The following TAFA1 variants were observed in gnomAD, a reference collection of about 807,000 sequenced individuals.
The protein encoded by TAFA1 is chemokine-like protein TAFA-1.
Under a neutral mutation model 18.5 loss-of-function variants are expected in TAFA1, and 4 were observed. That is an observed-to-expected ratio of 0.22 (90% CI 0.11 to 0.49). TAFA1 has a LOEUF of 0.49. Ranked by LOEUF, TAFA1 falls within the 20% of genes least tolerant of loss-of-function variation. The pLI is 0.98. For synonymous variants in TAFA1, 56 were observed against 55.2 expected, an observed-to-expected ratio of 1.01 and a Z score of -0.06; for missense variants, 147 against 169.0, an observed-to-expected ratio of 0.87 and a Z score of 0.72.
intron 3 of TAFA1, among the ~76,000 whole-genome samples, chr3:68,488,626 A>T (rs980312333): frequency 6.6e-6 from 1 of 152,086 alleles, no homozygotes; most frequent in Non-Finnish European, 1.5e-5. Context: ...CTAGGCTTCA[A>T]TTTTTCCATC....
chr3:68,125,052 T>G (rs1317110742), intron 2 of TAFA1, among the ~76,000 whole-genome samples: 2 of 152,194 alleles, frequency 1.3e-5, no homozygotes, highest in Admixed American at 1.3e-4. Flanking sequence ...AAAGGATGCA[T>G]ATACTTGGAA....
intron 2 of TAFA1, among the ~76,000 whole-genome samples, chr3:68,314,465 T>G (rs1485804559): frequency 6.6e-6 from 1 of 152,212 alleles, no homozygotes; most frequent in Non-Finnish European, 1.5e-5. Context: ...CTATTAATGT[T>G]CCACAGATTG....
At chr3:68,259,059 T>A (rs1484906207) in intron 2 of TAFA1, among the ~76,000 whole-genome samples, 1 of 152,172 alleles carries the variant, frequency 6.6e-6, no homozygotes, top group African/African-American at 2.4e-5. Flanking sequence ...GGGATGTCGA[T>A]AAACCACAGA....
At chr3:68,008,395 C>G (rs1350063288) in intron 2 of TAFA1, among the ~76,000 whole-genome samples, 1 of 152,202 alleles carries the variant, frequency 6.6e-6, no homozygotes, top group African/African-American at 2.4e-5. Context: ...TTGTGATGAT[C>G]AAGAATAAGA....
intron 3 of TAFA1, among the ~76,000 whole-genome samples, chr3:68,505,581 C>T (rs1575932372): frequency 6.6e-6 from 1 of 152,168 alleles, no homozygotes; most frequent in South Asian, 2.1e-4. Flanking sequence ...GTGTTCTCAT[C>T]TGGAGGCTTA....
intron 2 of TAFA1, among the ~76,000 whole-genome samples, chr3:68,375,565 A>T (rs1306038493): frequency 6.6e-6 from 1 of 152,186 alleles, no homozygotes; most frequent in African/African-American, 2.4e-5. Flanking sequence ...GGAAAAGTCA[A>T]TATCAGATTA....
chr3:68,101,069 G>T (rs1309246504), intron 2 of TAFA1, among the ~76,000 whole-genome samples: 2 of 152,064 alleles, frequency 1.3e-5, no homozygotes, highest in Admixed American at 6.6e-5. Context: ...AGGTAAACTT[G>T]TGTCATGAGG....
intron 2 of TAFA1, among the ~76,000 whole-genome samples, chr3:68,264,186 C>T (rs1037564859): frequency 2.0e-5 from 3 of 152,174 alleles, no homozygotes; most frequent in African/African-American, 7.2e-5. Flanking sequence ...TTGAGAATCA[C>T]TTGAACCCAG....
intron 2 of TAFA1, among the ~76,000 whole-genome samples, chr3:68,165,078 G>A (rs185477740): frequency 5.3e-5 from 8 of 152,186 alleles, no homozygotes; most frequent in African/African-American, 1.7e-4. Context: ...CCAAGGGACA[G>A]CAACCCAAAA....
At chr3:68,410,301 TG>T (rs1158156315) in intron 2 of TAFA1, among the ~76,000 whole-genome samples, 1 of 152,016 alleles carries the variant, frequency 6.6e-6, no homozygotes, top group African/African-American at 2.4e-5. Context: ...AGGGTCAACA[TG>T]GGCAAAAGGA....
chr3:68,439,760 A>G (rs2071338845), intron 3 of TAFA1, among the ~76,000 whole-genome samples: 1 of 151,890 alleles, frequency 6.6e-6, no homozygotes, highest in African/African-American at 2.4e-5. Flanking sequence ...CAACACCCTG[A>G]TAGACACACC....
chr3:68,427,614 C>T (rs1362729961), intron 3 of TAFA1, among the ~76,000 whole-genome samples: 1 of 151,718 alleles, frequency 6.6e-6, no homozygotes, highest in Admixed American at 6.6e-5. Flanking sequence ...ATATATGTTC[C>T]TCCATCCTCT....
intron 2 of TAFA1, among the ~76,000 whole-genome samples, chr3:68,373,149 T>C (rs1220361758): frequency 2.0e-5 from 3 of 152,098 alleles, no homozygotes; most frequent in East Asian, 3.9e-4. Context: ...GAGAAAATAT[T>C]TGTGGGAGGA....
intron 2 of TAFA1, among the ~76,000 whole-genome samples, chr3:68,290,898 TAAAA>T (rs199858808): frequency 1.3e-4 from 19 of 146,996 alleles, no homozygotes; most frequent in Non-Finnish European, 4.5e-5. Flanking sequence ...ATCCTTTTCT[TAAAA>T]AAAAAAAAAC....
intron 2 of TAFA1, among the ~76,000 whole-genome samples, chr3:68,078,544 C>T (rs1415138807): frequency 1.3e-5 from 2 of 152,084 alleles, no homozygotes; most frequent in Non-Finnish European, 2.9e-5. Context: ...TTGTCAGAGG[C>T]CTTTTCTGCA....
At chr3:68,538,611 T>A (rs1473414338) in intron 3 of TAFA1, 145 bp from the exon 4 acceptor site, 1 of 677,526 alleles carries the variant, frequency 1.5e-6, no homozygotes, top group Non-Finnish European at 2.5e-6. Flanking sequence ...CTTATTTTTT[T>A]AATAGAGCTT....
intron 2 of TAFA1, among the ~76,000 whole-genome samples, chr3:68,012,169 C>A (rs2106779701): frequency 6.6e-6 from 1 of 152,230 alleles, no homozygotes; most frequent in South Asian, 2.1e-4. Context: ...ATCGGCATGC[C>A]ATTTTTGATA....
At chr3:68,476,853 G>A (rs1052162742) in intron 3 of TAFA1, among the ~76,000 whole-genome samples, 11 of 152,004 alleles carry the variant, frequency 7.2e-5, no homozygotes, top group African/African-American at 1.9e-4. Flanking sequence ...ATTAGTAATA[G>A]GATGAAATGA....
intron 2 of TAFA1, among the ~76,000 whole-genome samples, chr3:68,022,536 A>G (rs560897073): frequency 1.3e-5 from 2 of 152,042 alleles, no homozygotes; most frequent in Non-Finnish European, 2.9e-5. Flanking sequence ...GTAGTGCTTC[A>G]AATATCACCT....
Sources: gnomAD v4.1 joint callset for allele counts (sites outside exome capture counted in the v4.1 genomes callset) on GRCh38, gnomAD v4.1.1 for gene constraint, MANE v1.5 for transcripts, NCBI Gene and HGNC (gene_info 2026-07-23, HGNC 2026-07-21) for gene names.